OTULIN: variants seen among roughly 807,000 people sequenced by gnomAD.
The protein encoded by OTULIN is ubiquitin thioesterase otulin.
A neutral mutation model predicts 39.6 loss-of-function variants in OTULIN; 15 were observed. The observed-to-expected ratio is 0.38, with a 90% CI of 0.25 to 0.58. The LOEUF (loss-of-function observed/expected upper bound fraction) is 0.58. OTULIN is among the 20% of genes least tolerant of loss of function. The pLI is 0.66. For missense variants in OTULIN, 319 were observed against 445.9 expected, an observed-to-expected ratio of 0.72 and a Z score of 2.56; for synonymous variants, 156 against 170.3, an observed-to-expected ratio of 0.92 and a Z score of 0.65.
the OTULIN span, chr5:14,712,843 C>A: frequency 6.4e-7 from 1 of 1,572,866 alleles, no homozygotes; most frequent in South Asian, 1.2e-5. Flanking sequence ...AGGATGCACC[C>A]GGGAGGAGGC....
At chr5:14,703,749 C>G (rs760459664), downstream of OTULIN, among the ~76,000 whole-genome samples, 12 of 152,308 alleles carry the variant, frequency 7.9e-5, no homozygotes, top group Non-Finnish European at 1.6e-4. Flanking sequence ...ATGCCATGGA[C>G]ATGGCATAGC....
At position 14,693,537 on chromosome 5, in the gene OTULIN, AG is replaced by A. The variant is rs1736588914; in HGVS notation, c.*494del. 1 of 152,742 alleles carries A rather than the reference AG, an allele frequency of 6.5e-6. No individual in the cohort carries two copies. The highest frequency in any genetic ancestry group is 2.4e-5 in the African/African-American group (1 of 41,438). The allele number at this position is 152,742 out of a possible 1,614,324, so 9.5% of individuals were successfully genotyped here. On this transcript the variant is annotated 3_prime_UTR_variant, in exon 7 of 7. Transcript: ENST00000284274. ...GACTGACGTGCTGCCCACTGCACTG[AG>A]GGGGCTTCTAACAGTCTGCTTTAAG...
At chr5:14,713,398 G>T in the OTULIN span, 1 of 1,218,570 alleles carries the variant, frequency 8.2e-7, no homozygotes, top group Non-Finnish European at 1.2e-6. The surrounding 1 kb of genome is among the most constrained non-coding windows in gnomAD (Gnocchi z 4.4). Flanking sequence ...TCCACCTGGT[G>T]CCTGGGCAGA....
Position 14,670,355 on chromosome 5 carries a change from T to G in OTULIN, c.153-3287T>G, listed in dbSNP as rs531961451. ...CCTGGCCTTTAGTATCATTTCATTG[T>G]GTCATTGTTTTCAGCTTTATTATTT... is the stretch of plus-strand genomic sequence containing the variant. On this transcript the variant is annotated intron_variant, in intron 1 of 6. Transcript: ENST00000284274. Among the ~76,000 whole-genome samples the G allele has an allele frequency of 2.6e-5, 4 of 152,356 alleles. No homozygotes were observed. The East Asian group carries it at 7.7e-4, about 29-fold the overall frequency.
intron 2 of OTULIN, among the ~76,000 whole-genome samples, chr5:14,676,412 A>C (rs1026268236): frequency 6.6e-6 from 1 of 152,206 alleles, no homozygotes; most frequent in African/African-American, 2.4e-5. Flanking sequence ...GGCATGTAGT[A>C]GCCATTGGAG....
At chr5:14,713,525 A>G in the OTULIN span, 3 of 1,613,754 alleles carry the variant, frequency 1.9e-6, no homozygotes, top group African/African-American at 1.3e-5. The surrounding 1 kb of genome is among the most constrained non-coding windows in gnomAD (Gnocchi z 4.4). Flanking sequence ...CCACAGCCCC[A>G]AACTCCCTGA....
rs912841941 is a variant in OTULIN, at chr5:14,697,725, T to C, written c.*4677T>C. ...CATTAGCATTAATGGAGGAGGACAC[T>C]GTGTTTTCTCAATTAATCTCATTGA... is the stretch of plus-strand genomic sequence containing the variant. On this transcript the variant is annotated 3_prime_UTR_variant, in exon 7 of 7. Transcript: ENST00000284274. The C allele has an allele frequency of 3.3e-5, 5 of 152,178 alleles. No individual in the cohort carries two copies. Among genetic ancestry groups the C allele is most frequent in the African/African-American group, 1.2e-4 (5 of 41,426 alleles). The allele number at this position is 152,178 out of a possible 1,614,324, so 9.4% of individuals were successfully genotyped here.
Position 14,678,725 on chromosome 5 carries a change from T to A in OTULIN, c.274T>A (p.Cys92Ser). ...VAPEMDIMDY[C>S]KKEWRGNTQK... ...TCCTGAAATGGATATCATGGACTACTGCAAAAAAGAATGGAGAGGAAATAC... is the reference window on the plus strand; with the variant it reads ...TCCTGAAATGGATATCATGGACTACAGCAAAAAAGAATGGAGAGGAAATAC... Residue 92 changes from cysteine to serine, a missense_variant, in exon 3 of 7, where the codon TGC becomes AGC. Transcript: ENST00000284274. 6.2e-7 allele frequency: 1 copy of A among 1,606,648 alleles called. No individual in the cohort carries two copies. Among genetic ancestry groups the A allele is most frequent in the Non-Finnish European group, 8.5e-7 (1 of 1,177,106 alleles).
chr5:14,711,445 C>A, the OTULIN span: 3 of 736,792 alleles, frequency 4.1e-6, no homozygotes, highest in South Asian at 3.1e-5. Flanking sequence ...GTTGGGGTGG[C>A]GTCACCTCTT....
intron 1 of OTULIN, among the ~76,000 whole-genome samples, chr5:14,668,462 A>G (rs1401591987): frequency 6.6e-6 from 1 of 152,220 alleles, no homozygotes; most frequent in Non-Finnish European, 1.5e-5. Flanking sequence ...TTGTTCACCC[A>G]TCTCTGAACC....
chr5:14,710,497 C>CTA, the OTULIN span: 6 of 153,736 alleles, frequency 3.9e-5, no homozygotes, highest in Admixed American at 1.3e-4. Context: ...GAGTGAAATG[C>CTA]TATCATTCAA....
At chr5:14,702,763 G>A (rs1228114046), downstream of OTULIN, among the ~76,000 whole-genome samples, 1 of 152,188 alleles carries the variant, frequency 6.6e-6, no homozygotes, top group African/African-American at 2.4e-5. Flanking sequence ...ATGAGAATTT[G>A]AGGTGTATAG....
chr5:14,706,996 C>T, the OTULIN span: 4 of 152,184 alleles, frequency 2.6e-5, no homozygotes, highest in Non-Finnish European at 5.9e-5. Flanking sequence ...CCTCACACTC[C>T]ACTGCAATTT....
the OTULIN span, among the ~76,000 whole-genome samples, chr5:14,712,665 C>G: frequency 4.6e-5 from 7 of 152,254 alleles, no homozygotes; most frequent in Non-Finnish European, 7.3e-5. Context: ...TTCAAAGGGA[C>G]TGTCTGTACT....
intron 4 of OTULIN, among the ~76,000 whole-genome samples, chr5:14,686,742 G>T (rs1240351960): frequency 6.6e-6 from 1 of 152,178 alleles, no homozygotes; most frequent in Non-Finnish European, 1.5e-5. Context: ...GCTGTCATCA[G>T]TCAGGCTGTG....
At chr5:14,699,924 A>G (rs1429872640), downstream of OTULIN, among the ~76,000 whole-genome samples, 1 of 152,084 alleles carries the variant, frequency 6.6e-6, no homozygotes, top group Non-Finnish European at 1.5e-5. Flanking sequence ...TGTGCTTGAG[A>G]CGTCTTAACA....
the OTULIN span, among the ~76,000 whole-genome samples, chr5:14,712,424 C>T: frequency 4.6e-5 from 7 of 152,280 alleles, no homozygotes; most frequent in Non-Finnish European, 1.0e-4. Flanking sequence ...CGCAAGCTCT[C>T]GGACTGCATC....
intron 2 of OTULIN, among the ~76,000 whole-genome samples, chr5:14,678,028 G>C (rs1736148906): frequency 6.6e-6 from 1 of 152,206 alleles, no homozygotes; most frequent in South Asian, 2.1e-4. Context: ...GTGTTTTACT[G>C]TATTTTTGTA....
At chr5:14,667,133 TAG>T (rs1340117005) in intron 1 of OTULIN, among the ~76,000 whole-genome samples, 2 of 152,238 alleles carry the variant, frequency 1.3e-5, no homozygotes, top group African/African-American at 4.8e-5. Context: ...AGATATCCTA[TAG>T]AGTCATTTTT....
Sources: gnomAD v4.1 joint callset for allele counts (sites outside exome capture counted in the v4.1 genomes callset) on GRCh38, gnomAD v4.1.1 for gene constraint, Gnocchi (gnomAD v3.1) non-coding constraint, MANE v1.5 for transcripts, NCBI Gene and HGNC (gene_info 2026-07-23, HGNC 2026-07-21) for gene names.